Variants in ZFHX4 observed in about 807,000 individuals in gnomAD.
ZFHX4 encodes zinc finger homeobox 4, also known as zinc finger homeobox protein 4.
ZFHX4 carries 56 observed loss-of-function variants against 267.6 expected under a neutral mutation model. The ratio of observed to expected loss-of-function variants is 0.21; its 90% CI spans 0.17 to 0.26. ZFHX4 has a LOEUF of 0.26. Ranked by LOEUF, ZFHX4 falls within the 10% of genes least tolerant of loss-of-function variation. The pLI is 1.00. For synonymous variants in ZFHX4, 1,778 were observed against 1,665.6 expected (o/e 1.07, Z -1.64); for missense variants, 4,332 against 4,420.0 (o/e 0.98, Z 0.56).
chr8:76,807,981 T>C (rs1455097653), intron 4 of ZFHX4, among the ~76,000 whole-genome samples: 2 of 152,254 alleles, frequency 1.3e-5, no homozygotes, highest in East Asian at 3.9e-4. Flanking sequence ...ACTGGTAGAT[T>C]ATCAAAATAA....
chr8:76,834,949 T>G (rs908129517), intron 5 of ZFHX4, among the ~76,000 whole-genome samples: 1 of 147,968 alleles, frequency 6.8e-6, no homozygotes, highest in Admixed American at 6.8e-5. Flanking sequence ...GTCTGGACTC[T>G]TTTTTTTTTC....
In ZFHX4 at chr8:76,773,861, C is replaced by T. The variant is rs1033156221; in HGVS notation, c.3094-4347C>T. On this transcript the variant is annotated intron_variant, in intron 3 of 10. Transcript: ENST00000651372. ...CAGAGTAAAATTGTATGCCCTCTTT[C>T]TCAGAATGCATCATTTTAAGTTTAA... 2.3e-4 allele frequency among the ~76,000 whole-genome samples: 35 copies of T among 152,068 alleles called. 1 individual carries two copies. Among genetic ancestry groups the T allele is most frequent in the Non-Finnish European group, 2.9e-5 (2 of 68,022 alleles).
chr8:76,684,349 C>T (rs1421390046), intron 1 of ZFHX4, among the ~76,000 whole-genome samples: 2 of 152,146 alleles, frequency 1.3e-5, no homozygotes, highest in African/African-American at 4.8e-5. Context: ...GGCTAGCCAG[C>T]TGTTTTAACC....
intron 5 of ZFHX4, among the ~76,000 whole-genome samples, chr8:76,837,988 A>T (rs890876531): frequency 6.6e-6 from 1 of 152,230 alleles, no homozygotes; most frequent in Admixed American, 6.5e-5. Flanking sequence ...ATGTTATTCC[A>T]TAACAAACCT....
Position 76,854,272 on chromosome 8 carries a change from C to A in ZFHX4, c.7351C>A (p.Gln2451Lys). 1 of 1,588,362 alleles carries A rather than the reference C, an allele frequency of 6.3e-7. No homozygotes were observed. Among genetic ancestry groups the A allele is most frequent in the Non-Finnish European group, 8.6e-7 (1 of 1,167,256 alleles). ...CACAGCCCAGCCACAGCCACAGCCACAGCCACCAAAACAACCCCAACTTAT... is the reference window on the plus strand; with the variant it reads ...CACAGCCCAGCCACAGCCACAGCCAAAGCCACCAAAACAACCCCAACTTAT... ...ASTAQPQPQP[Q>K]PPKQPQLIGR... The change falls in exon 10 of 11, where the codon CAG (glutamine) becomes AAG (lysine). Residue 2451 changes from glutamine (Q) to lysine (K), a missense_variant. By Grantham distance (53) the Gln-to-Lys change is moderately conservative (BLOSUM62 1). Transcript: ENST00000651372.
rs78080711 is a variant in ZFHX4 at position 76,724,407 on chromosome 8, G to A, written c.3093+16359G>A. On this transcript the variant is annotated intron_variant, in intron 3 of 10. Transcript: ENST00000651372. ...GATTTTTCTAGGGTCTGCCAATGCT[G>A]CATACTCTTTCCAAGTAAGTCATTG... Among the ~76,000 whole-genome samples, 1,335 of 152,090 alleles carry A rather than the reference G, an allele frequency of 8.8e-3. 16 individuals are homozygous for A. Among genetic ancestry groups the A allele is most frequent in the African/African-American group, 0.031 (1,274 of 41,524 alleles).
chr8:76,750,537 G>T (rs1260362578), intron 3 of ZFHX4, among the ~76,000 whole-genome samples: 3 of 152,034 alleles, frequency 2.0e-5, no homozygotes, highest in South Asian at 2.1e-4. Context: ...AAAATGTAAA[G>T]GTGTGAAAAA....
chr8:76,763,724 ATTGT>A (rs1809978392), intron 3 of ZFHX4, among the ~76,000 whole-genome samples: 1 of 152,184 alleles, frequency 6.6e-6, no homozygotes, highest in Non-Finnish European at 1.5e-5. Flanking sequence ...ATTACAGTTG[ATTGT>A]TGAGGAAAAA....
Position 76,851,149 on chromosome 8 carries a change from C to G in ZFHX4, c.4228C>G (p.Gln1410Glu). Residue 1410 changes from glutamine (Q) to glutamate (E), a missense_variant, in exon 10 of 11, where the codon CAG (glutamine) becomes GAG (glutamate). Around this residue, in one of 7 missense-constraint regions of ZFHX4, gnomAD observed 1,371 missense variants for 1,423.1 expected, o/e 0.96. Coordinates refer to ENST00000651372, the MANE Select transcript of ZFHX4 (RefSeq NM_024721.5). Reference protein sequence around the residue: ...NHCSLAFKTMQKLQIHSQYHA... With the variant: ...NHCSLAFKTMEKLQIHSQYHA... The stretch of plus-strand genomic sequence containing the variant: ...TTGTAGCTTGGCTTTCAAAACTATG[C>G]AGAAGCTTCAGATACATTCCCAGTA... 2 of 1,613,976 alleles carry G rather than the reference C, an allele frequency of 1.2e-6. No homozygotes were observed. Among genetic ancestry groups the G allele is most frequent in the South Asian group, 1.1e-5 (1 of 91,082 alleles).
intron 3 of ZFHX4, among the ~76,000 whole-genome samples, chr8:76,724,993 G>A (rs1808815272): frequency 6.6e-6 from 1 of 151,156 alleles, no homozygotes; most frequent in African/African-American, 2.4e-5. Flanking sequence ...ATATAAGTGT[G>A]TGTGTACAGG....
chr8:76,856,420 A>G (rs1812730384), intron 10 of ZFHX4, 120 bp downstream of exon 10: 1 of 1,158,340 alleles, frequency 8.6e-7, no homozygotes, highest in African/African-American at 1.5e-5. Flanking sequence ...AAATCAATAC[A>G]TTATTTAAAG....
chr8:76,723,618 C>T, intron 3 of ZFHX4, among the ~76,000 whole-genome samples: 1 of 151,226 alleles, frequency 6.6e-6, no homozygotes, highest in East Asian at 1.9e-4. Context: ...AGCCCACTCT[C>T]CCAGACTCTA....
intron 4 of ZFHX4, among the ~76,000 whole-genome samples, chr8:76,787,212 A>T (rs1004919003): frequency 2.6e-5 from 4 of 152,210 alleles, no homozygotes; most frequent in Non-Finnish European, 5.9e-5. Context: ...TTTAAGGGGA[A>T]AATAGAATGT....
At chr8:76,766,089 T>A (rs1810044418) in intron 3 of ZFHX4, among the ~76,000 whole-genome samples, 1 of 151,934 alleles carries the variant, frequency 6.6e-6, no homozygotes, top group Non-Finnish European at 1.5e-5. Context: ...GTATTATACA[T>A]AAATAGGGGA....
intron 4 of ZFHX4, among the ~76,000 whole-genome samples, chr8:76,779,364 A>G (rs1474866648): frequency 6.6e-6 from 1 of 152,164 alleles, no homozygotes; most frequent in Non-Finnish European, 1.5e-5. Context: ...TGTTAAAAAT[A>G]TACTTGAATT....
chr8:76,695,675 G>T (rs1807937670), intron 1 of ZFHX4, among the ~76,000 whole-genome samples: 1 of 152,176 alleles, frequency 6.6e-6, no homozygotes, highest in African/African-American at 2.4e-5. Flanking sequence ...CCAGTTAACT[G>T]TTCTCTTTCA....
At chr8:76,842,520 T>C (rs1028673441) in intron 5 of ZFHX4, 135 bp from the exon 6 acceptor site, 3 of 606,864 alleles carry the variant, frequency 4.9e-6, no homozygotes, top group African/African-American at 3.8e-5. Context: ...TTGCATAAAT[T>C]TGTGTTCTCA....
intron 1 of ZFHX4, chr8:76,682,718 T>TC (rs1807573908): frequency 6.6e-6 from 1 of 152,622 alleles, no homozygotes. Flanking sequence ...GTGGCTGTGT[T>TC]CGGCTGTGAG....
At chr8:76,744,049 A>G (rs73690873) in intron 3 of ZFHX4, among the ~76,000 whole-genome samples, 2,016 of 152,282 alleles carry the variant, frequency 0.013, 43 homozygotes, top group African/African-American at 0.046. Context: ...CTTAGCTATT[A>G]AAAATACAAT....
Sources: allele counts gnomAD v4.1 joint callset (sites outside exome capture counted in the v4.1 genomes callset), GRCh38; gene constraint gnomAD v4.1.1; regional missense constraint gnomAD v4.1.1; transcripts MANE v1.5; gene names NCBI Gene and HGNC (gene_info 2026-07-23, HGNC 2026-07-21).